The following TNIK variants were observed in gnomAD, a reference collection of about 807,000 sequenced individuals.
The protein encoded by TNIK is TRAF2 and NCK interacting kinase, also known as TRAF2 and NCK-interacting protein kinase.
Under a neutral mutation model 191.3 loss-of-function variants are expected in TNIK, and 49 were observed. That is an observed-to-expected ratio of 0.26 (90% CI 0.20 to 0.32). The LOEUF (loss-of-function observed/expected upper bound fraction) is 0.32. Ranked by LOEUF, TNIK falls within the 10% of genes least tolerant of loss-of-function variation. The pLI is 1.00. For missense variants in TNIK, 1,155 were observed against 1,702.3 expected, an observed-to-expected ratio of 0.68 and a Z score of 5.66; for synonymous variants, 594 against 600.9, an observed-to-expected ratio of 0.99 and a Z score of 0.17.
chr3:171,308,634 G>A lies in TNIK; in HGVS notation c.123+60986C>T, dbSNP rs547708498. The stretch of plus-strand genomic sequence containing the variant: ...AGAAAGCAAACAACTTATGGAATGG[G>A]ACAAAATATTTGCAAACTATGCATC... On this transcript the variant is annotated intron_variant, in intron 2 of 32. Transcript: ENST00000436636. Among the ~76,000 whole-genome samples, 184 of 152,164 alleles carry A rather than the reference G, an allele frequency of 1.2e-3. 1 individual carries two copies. Among genetic ancestry groups the A allele is most frequent in the South Asian group, 3.3e-3 (16 of 4,820 alleles).
intron 2 of TNIK, among the ~76,000 whole-genome samples, chr3:171,242,722 A>G (rs1745135372): frequency 6.6e-6 from 1 of 152,226 alleles, no homozygotes; most frequent in Non-Finnish European, 1.5e-5. Flanking sequence ...CTTAGATTTA[A>G]TAAACCACTG....
chr3:171,293,305 TTCACAA>T (rs1310432808), intron 2 of TNIK, among the ~76,000 whole-genome samples: 1 of 152,174 alleles, frequency 6.6e-6, no homozygotes, highest in East Asian at 1.9e-4. Flanking sequence ...GCCTACAAGA[TTCACAA>T]TGTATCTTCT....
chr3:171,244,546 A>G (rs1040118362), intron 2 of TNIK, among the ~76,000 whole-genome samples: 1 of 152,002 alleles, frequency 6.6e-6, no homozygotes, highest in African/African-American at 2.4e-5. Context: ...CTGCATTCCA[A>G]TTTATTTTGT....
At chr3:171,411,139 C>T (rs2108603233) in intron 1 of TNIK, among the ~76,000 whole-genome samples, 1 of 151,880 alleles carries the variant, frequency 6.6e-6, no homozygotes, top group South Asian at 2.1e-4. Context: ...CATGATATAG[C>T]TCATTGCAGC....
At chr3:171,191,351 G>A (rs1406304734) in intron 5 of TNIK, among the ~76,000 whole-genome samples, 2 of 152,100 alleles carry the variant, frequency 1.3e-5, no homozygotes, top group African/African-American at 2.4e-5. Flanking sequence ...GGATTCAAGC[G>A]ACTGCCTCAG....
At chr3:171,301,010 A>T (rs1258184837) in intron 2 of TNIK, among the ~76,000 whole-genome samples, 2 of 152,162 alleles carry the variant, frequency 1.3e-5, no homozygotes, top group African/African-American at 4.8e-5. Context: ...GGATCGGGAG[A>T]GTCACAGGGT....
rs1414322651 is a variant in TNIK, at chr3:171,366,804, CCA to C, written c.123+2814_123+2815del. ...TAATCCCCATGTGTCATGGGAGAGA[CCA>C]GGTGGAGATAATTGAATCATGGAGG... On this transcript the variant is annotated intron_variant, in intron 2 of 32. Coordinates refer to ENST00000436636, the MANE Select transcript of TNIK (RefSeq NM_015028.4). The surrounding 1 kb of genome is among the most constrained non-coding windows in gnomAD (Gnocchi z 4.1). 1.3e-5 allele frequency among the ~76,000 whole-genome samples: 2 copies of C among 152,138 alleles called. No individual in the cohort carries two copies. Among genetic ancestry groups the C allele is most frequent in the African/African-American group, 4.8e-5 (2 of 41,422 alleles).
chr3:171,152,207 G>T (rs1466201735), intron 12 of TNIK, among the ~76,000 whole-genome samples: 2 of 152,050 alleles, frequency 1.3e-5, no homozygotes, highest in African/African-American at 4.8e-5. Flanking sequence ...CTTGAATCTG[G>T]GAGGCAGAGG....
chr3:171,403,157 T>C (rs544162813), intron 1 of TNIK, among the ~76,000 whole-genome samples: 2 of 152,308 alleles, frequency 1.3e-5, no homozygotes, highest in East Asian at 1.9e-4. Flanking sequence ...AGCCTGGGGC[T>C]GGTCAGAGGC....
chr3:171,343,837 G>A (rs1429554082), intron 2 of TNIK, among the ~76,000 whole-genome samples: 4 of 152,098 alleles, frequency 2.6e-5, no homozygotes, highest in Admixed American at 2.6e-4. Context: ...GAGGTGTTTG[G>A]TGGTTTACCC....
chr3:171,257,928 T>G (rs1747082256), intron 2 of TNIK, among the ~76,000 whole-genome samples: 1 of 152,186 alleles, frequency 6.6e-6, no homozygotes, highest in African/African-American at 2.4e-5. Context: ...TGCTGATGAA[T>G]CTCATTCCTG....
intron 1 of TNIK, among the ~76,000 whole-genome samples, chr3:171,384,561 G>A (rs745509072): frequency 2.6e-5 from 4 of 152,170 alleles, no homozygotes; most frequent in Non-Finnish European, 4.4e-5. Context: ...ATGAGAATGA[G>A]GGGAAACATA....
chr3:171,390,874 T>C (rs1296560483), intron 1 of TNIK, among the ~76,000 whole-genome samples: 1 of 152,242 alleles, frequency 6.6e-6, no homozygotes, highest in African/African-American at 2.4e-5. Context: ...AACTAGATAC[T>C]ATGCTTTGTG....
chr3:171,259,230 C>T (rs763363360), intron 2 of TNIK, among the ~76,000 whole-genome samples: 1 of 152,076 alleles, frequency 6.6e-6, no homozygotes, highest in African/African-American at 2.4e-5. Flanking sequence ...AGAGTGTTGA[C>T]AAAAAGTTGG....
At chr3:171,199,256 C>A (rs1739117713) in intron 4 of TNIK, among the ~76,000 whole-genome samples, 1 of 151,260 alleles carries the variant, frequency 6.6e-6, no homozygotes, top group South Asian at 2.1e-4. Context: ...GTTCCTACAG[C>A]CACACAGCAA....
chr3:171,126,088 C>T lies in TNIK; in HGVS notation c.1837G>A (p.Glu613Lys), dbSNP rs752322341. The part of the protein sequence containing the change: ...PALTASQSVH[E>K]QPTKGLSGFQ... ...CCAGAGAGGCCCTTTGTGGGCTGCT[C>T]GTGCACTGACTGGGAGGCGGTCAAG... is the stretch of plus-strand genomic sequence containing the variant. The change falls in exon 17 of 33, where the codon GAG becomes AAG. Residue 613 changes from glutamate to lysine, a missense_variant. By Grantham distance (56) the Glu-to-Lys change is moderately conservative (BLOSUM62 1). This residue lies in a region of TNIK where 735 missense variants were observed against 848.0 expected (regional missense o/e 0.87). Transcript: ENST00000436636. The T allele has an allele frequency of 2.5e-6, 4 of 1,605,106 alleles. No homozygotes were observed. The South Asian group carries it at 4.5e-5, about 18-fold the overall frequency.
intron 1 of TNIK, among the ~76,000 whole-genome samples, chr3:171,393,252 A>G (rs1244804899): frequency 6.6e-6 from 1 of 152,214 alleles, no homozygotes; most frequent in Non-Finnish European, 1.5e-5. Context: ...GAAGCAAAAT[A>G]CAATCTCGCG....
At chr3:171,258,127 G>A (rs1456133797) in intron 2 of TNIK, among the ~76,000 whole-genome samples, 1 of 152,114 alleles carries the variant, frequency 6.6e-6, no homozygotes, top group Non-Finnish European at 1.5e-5. Flanking sequence ...AAGCGTATGT[G>A]TCATCTCTGG....
At chr3:171,114,963 C>T (rs979371983) in intron 18 of TNIK, among the ~76,000 whole-genome samples, 1 of 152,046 alleles carries the variant, frequency 6.6e-6, no homozygotes, top group Non-Finnish European at 1.5e-5. Flanking sequence ...TCCCAAATAG[C>T]GAATTCTTCC....
Sources: gnomAD v4.1 joint callset for allele counts (sites outside exome capture counted in the v4.1 genomes callset) on GRCh38, gnomAD v4.1.1 for gene constraint, gnomAD v4.1.1 regional missense constraint, Gnocchi (gnomAD v3.1) non-coding constraint, MANE v1.5 for transcripts, NCBI Gene and HGNC (gene_info 2026-07-23, HGNC 2026-07-21) for gene names.